Variants in CPA5 observed in about 807,000 individuals in gnomAD.
CPA5 encodes the protein carboxypeptidase A5.
CPA5 carries 38 observed loss-of-function variants against 52.2 expected under a neutral mutation model. That is an observed-to-expected ratio of 0.73 (90% CI 0.56 to 0.95). The LOEUF (loss-of-function observed/expected upper bound fraction) is 0.95, where lower values mean the gene tolerates loss of function less well. Ranked by LOEUF, CPA5 falls within the 40% of genes least tolerant of loss-of-function variation. CPA5 has a pLI of 0.00. For missense variants in CPA5, 519 were observed against 566.7 expected (o/e 0.92, Z 0.86); for synonymous variants, 198 against 213.7 (o/e 0.93, Z 0.64).
Position 130,363,014 on chromosome 7 carries a change from A to T in CPA5, c.747+20A>T. 6.8e-7 allele frequency: 1 copy of T among 1,475,246 alleles called. No individual in the cohort carries two copies. The highest frequency in any genetic ancestry group is 1.1e-5 in the South Asian group (1 of 88,016). The allele number at this position is 1,475,246 out of a possible 1,614,324, so 91.4% of individuals were successfully genotyped here. A position where few individuals can be genotyped will look rare whatever the true frequency, so the allele number is the denominator to read the frequency against. On this transcript the variant is annotated intron_variant, in intron 9 of 12. Transcript: ENST00000474905. ...AGCATGGTGAGGGAACCTGGGAAGG[A>T]TGGAAGGAGGGGGTCAGCTCTAGGG...
chr7:130,362,220 G>C (rs1180473276), intron 7 of CPA5, among the ~76,000 whole-genome samples: 2 of 152,104 alleles, frequency 1.3e-5, no homozygotes, highest in Admixed American at 1.3e-4. Flanking sequence ...CTTCTGGATG[G>C]ATCACTTTGC....
intron 12 of CPA5, among the ~76,000 whole-genome samples, 160 bp downstream of exon 12, chr7:130,368,150 G>C (rs141635413): frequency 2.4e-4 from 37 of 152,390 alleles, no homozygotes; most frequent in African/African-American, 8.7e-4. Flanking sequence ...GGCAGCTTTT[G>C]TGCACAGCTC....
chr7:130,352,311 TA>T (rs1285406089), intron 5 of CPA5, among the ~76,000 whole-genome samples: 1 of 151,288 alleles, frequency 6.6e-6, no homozygotes, highest in East Asian at 1.9e-4. Context: ...AACACAGAGA[TA>T]AAAAACTTGG....
At chr7:130,349,845 C>T (rs537405184) in intron 4 of CPA5, 130 bp from the exon 5 acceptor site, 58 of 1,046,076 alleles carry the variant, frequency 5.5e-5, no homozygotes, top group East Asian at 5.1e-4. Context: ...ATCACACCCC[C>T]GTCCCCATCT....
In CPA5 at chr7:130,362,956, G is replaced by A. The variant is rs74947917; in HGVS notation, c.709G>A (p.Val237Ile). 1,086 of 1,613,654 alleles carry A rather than the reference G, an allele frequency of 6.7e-4. 6 individuals carry two copies. The African/African-American group carries it at 0.012, about 18-fold the overall frequency. ...TGCCATGGACATCTTCATAGAGCTC[G>A]TCACAAACCCTGATGGGTTTGCTTT... ...LNAMDIFIEL[V>I]TNPDGFAFTH... The change falls in exon 9 of 13, where the codon GTC becomes ATC. Residue 237 changes from valine (V) to isoleucine (I), a missense_variant. Physicochemically the swap from Val to Ile is conservative, Grantham distance 29. Coordinates refer to ENST00000474905, the MANE Select transcript of CPA5 (RefSeq NM_080385.5).
At chr7:130,369,870 C>T (rs986135648), downstream of CPA5, among the ~76,000 whole-genome samples, 9 of 152,232 alleles carry the variant, frequency 5.9e-5, no homozygotes, top group Non-Finnish European at 1.3e-4. Context: ...CTTAGCCTCC[C>T]TTTCCATTCA....
Position 130,368,444 on chromosome 7 carries a change from T to C in CPA5, c.1158T>C (p.Tyr386=), listed in dbSNP as rs17164867. The stretch of plus-strand genomic sequence containing the variant: ...GTGGGATCACCGTCGACTGGGCCTA[T>C]GACAGTGGCATCAAGTACGCCTTCA... The part of the protein sequence containing the change: ...VASGITVDWA[Y]DSGIKYAFSF... The change falls in exon 13 of 13, where the codon TAT becomes TAC. Residue 386 remains tyrosine, a synonymous_variant. Coordinates refer to ENST00000474905, the MANE Select transcript of CPA5 (RefSeq NM_080385.5). The C allele has an allele frequency of 0.19, 314,406 of 1,613,844 alleles. 32,236 individuals carry two copies. The highest frequency in any genetic ancestry group is 0.24 in the African/African-American group (17,681 of 74,950).
chr7:130,371,920 C>T (rs1554409974), downstream of CPA5, among the ~76,000 whole-genome samples: 4 of 152,214 alleles, frequency 2.6e-5, no homozygotes. Flanking sequence ...CCTCTCCTGC[C>T]TTGTGCCAGG....
In CPA5 at chr7:130,367,919, A is replaced by T. The variant is rs1266749642; in HGVS notation, c.1052A>T (p.Lys351Met). The T allele has an allele frequency of 3.5e-5, 57 of 1,614,056 alleles. No individual in the cohort carries two copies. Among genetic ancestry groups the T allele is most frequent in the Non-Finnish European group, 4.7e-5 (55 of 1,180,018 alleles). ...GTCATCTTGCAGTACGATCTTGCCAAGGATGCGGTGGAGGCCTTGTATAAG... is the reference window on the plus strand; with the variant it reads ...GTCATCTTGCAGTACGATCTTGCCATGGATGCGGTGGAGGCCTTGTATAAG... ...SNQRELYDLA[K>M]DAVEALYKVH... The change falls in exon 12 of 13, where the codon AAG becomes ATG. Residue 351 changes from lysine (K) to methionine (M), a missense_variant. Transcript: ENST00000474905.
At chr7:130,361,072 A>G (rs2117409752) in intron 6 of CPA5, 71 bp from the exon 7 acceptor site, 2 of 956,610 alleles carry the variant, frequency 2.1e-6, no homozygotes, top group Non-Finnish European at 3.4e-6. Context: ...CAGGGAGAAC[A>G]TTCAGAGAGG....
At chr7:130,361,945 C>T (rs1452495805) in intron 7 of CPA5, among the ~76,000 whole-genome samples, 1 of 152,228 alleles carries the variant, frequency 6.6e-6, no homozygotes, top group Non-Finnish European at 1.5e-5. Flanking sequence ...TGGGATTTGA[C>T]TTAACCTGTC....
chr7:130,370,240 T>C, downstream of CPA5, among the ~76,000 whole-genome samples: 1 of 152,184 alleles, frequency 6.6e-6, no homozygotes, highest in East Asian at 1.9e-4. Context: ...GTGAGGGTAA[T>C]TAACCCCTGA....
At position 130,368,396 on chromosome 7, in the gene CPA5, A is replaced by G. The variant is rs782301895; in HGVS notation, c.1124-14A>G. 1.9e-6 allele frequency: 3 copies of G among 1,612,438 alleles called. No homozygotes were observed. In the South Asian group the frequency reaches 3.3e-5, roughly 18 times the overall value. Reference sequence around the variant, plus strand: ...TTCCTTTTGTGGGGCACATTTTGGAACTTTTGTTTCTAGATGTGGCCAGTG... The same window carrying G: ...TTCCTTTTGTGGGGCACATTTTGGAGCTTTTGTTTCTAGATGTGGCCAGTG... On this transcript the variant is annotated splice_polypyrimidine_tract_variant and intron_variant, in intron 12 of 12. Transcript: ENST00000474905.
At chr7:130,363,955 G>A (rs1554407563) in intron 10 of CPA5, among the ~76,000 whole-genome samples, 2 of 152,188 alleles carry the variant, frequency 1.3e-5, no homozygotes, top group Non-Finnish European at 2.9e-5. Flanking sequence ...CCGAGAGCTA[G>A]GACCTGAAAT....
intron 5 of CPA5, among the ~76,000 whole-genome samples, chr7:130,357,720 C>T (rs1220197414): frequency 6.6e-6 from 1 of 151,708 alleles, no homozygotes; most frequent in East Asian, 1.9e-4. Context: ...CTGCCTTCTT[C>T]TATCTTAGCA....
At chr7:130,351,316 T>C (rs1234215352) in intron 5 of CPA5, among the ~76,000 whole-genome samples, 4 of 152,186 alleles carry the variant, frequency 2.6e-5, no homozygotes, top group African/African-American at 9.7e-5. Flanking sequence ...AAGTTTCCAT[T>C]TCCCTGGTTC....
At chr7:130,367,171 G>A (rs113890973) in intron 10 of CPA5, among the ~76,000 whole-genome samples, 1 of 151,962 alleles carries the variant, frequency 6.6e-6, no homozygotes, top group Non-Finnish European at 1.5e-5. Context: ...GCATGGAGAA[G>A]TCACACTTGC....
In CPA5 at chr7:130,362,943, C is replaced by A. The variant is rs1454495514; in HGVS notation, c.696C>A (p.Ile232=). ...VLTDILNAMD[I]FIELVTNPDG... Reference sequence around the variant, plus strand: ...CAGACATACTGAATGCCATGGACATCTTCATAGAGCTCGTCACAAACCCTG... The same window carrying A: ...CAGACATACTGAATGCCATGGACATATTCATAGAGCTCGTCACAAACCCTG... The change falls in exon 9 of 13, where the codon ATC becomes ATA. Residue 232 remains isoleucine, a synonymous_variant. Transcript: ENST00000474905. The A allele has an allele frequency of 1.9e-6, 3 of 1,613,752 alleles. No individual in the cohort carries two copies. Among genetic ancestry groups the A allele is most frequent in the Non-Finnish European group, 2.5e-6 (3 of 1,179,848 alleles).
intron 7 of CPA5, 66 bp from the exon 8 acceptor site, chr7:130,362,372 A>C (rs1420523023): frequency 8.4e-7 from 1 of 1,189,190 alleles, no homozygotes. Flanking sequence ...ACCTCCTTCC[A>C]GGTAGCCCAG....
Sources: gnomAD v4.1 joint callset for allele counts (sites outside exome capture counted in the v4.1 genomes callset) on GRCh38, gnomAD v4.1.1 for gene constraint, MANE v1.5 for transcripts, NCBI Gene and HGNC (gene_info 2026-07-23, HGNC 2026-07-21) for gene names.